MAOB: variants seen among roughly 807,000 people sequenced by gnomAD.
MAOB encodes amine oxidase [flavin-containing] B.
A neutral mutation model predicts 41.9 loss-of-function variants in MAOB; 15 were observed. That is an observed-to-expected ratio of 0.36 (90% CI 0.24 to 0.55). The LOEUF (loss-of-function observed/expected upper bound fraction) is 0.55, where lower values mean the gene tolerates loss of function less well. Among genes scored for constraint, MAOB ranks in the 20% least tolerant of loss-of-function variants. The pLI is 0.86. For synonymous variants in MAOB, 167 were observed against 144.2 expected (o/e 1.16, Z -1.13); for missense variants, 345 against 398.7 (o/e 0.87, Z 1.15).
chrX:43,806,689 G>A (rs777142229), intron 3 of MAOB, among the ~76,000 whole-genome samples: 3 of 111,663 alleles, frequency 2.7e-5, no homozygotes, highest in East Asian at 5.7e-4. Context: ...ACTTTCTGGA[G>A]ATGGAGAATC....
At chrX:43,843,645 G>C (rs1569227864) in intron 2 of MAOB, 25 bp downstream of exon 2, 9 of 1,193,264 alleles carry the variant, frequency 7.5e-6, no homozygotes, top group Non-Finnish European at 1.0e-5. Flanking sequence ...TCCCACATTT[G>C]TCCTCCGGAT....
chrX:43,775,379 C>T (rs934887811), intron 11 of MAOB, 107 bp from the exon 12 acceptor site: 18 of 1,088,425 alleles, frequency 1.7e-5, no homozygotes, highest in Admixed American at 3.8e-5. Context: ...CAATGTATTT[C>T]GGAAATAGAG....
intron 12 of MAOB, among the ~76,000 whole-genome samples, chrX:43,772,846 A>T (rs751419119): frequency 9.0e-6 from 1 of 110,650 alleles, no homozygotes; most frequent in African/African-American, 3.3e-5. Context: ...ACCTCTCCCC[A>T]CCACACTTGC....
At chrX:43,768,762 T>G (rs1450671040) in intron 13 of MAOB, 46 bp from the exon 14 acceptor site, 2 of 1,040,023 alleles carry the variant, frequency 1.9e-6, no homozygotes, top group East Asian at 6.1e-5. Context: ...TGACACCATC[T>G]TTCTTCTAAT....
At chrX:43,827,938 G>GCA (rs2034969580) in intron 3 of MAOB, among the ~76,000 whole-genome samples, 1 of 112,005 alleles carries the variant, frequency 8.9e-6, no homozygotes, top group Non-Finnish European at 1.9e-5. Context: ...ACATAGACAA[G>GCA]ATGTCAACAG....
chrX:43,796,490 C>T (rs751964868), intron 6 of MAOB, among the ~76,000 whole-genome samples: 98 of 111,007 alleles, frequency 8.8e-4, no homozygotes, highest in Non-Finnish European at 1.6e-3. Flanking sequence ...ACACAGTTGA[C>T]CTGGCTGCCT....
chrX:43,847,061 T>C (rs12008119), intron 1 of MAOB, among the ~76,000 whole-genome samples: 3,824 of 112,426 alleles, frequency 0.034, 145 homozygotes, highest in South Asian at 0.17. Context: ...ATGAAAATAC[T>C]GGCCAGGCAC....
chrX:43,862,236 A>G (rs1192613673), intron 1 of MAOB, among the ~76,000 whole-genome samples: 1 of 111,248 alleles, frequency 9.0e-6, no homozygotes, highest in Non-Finnish European at 1.9e-5. Context: ...GTCCCTCTGG[A>G]TTTGTGTTTG....
At chrX:43,808,699 GACACAC>G (rs147523888) in intron 3 of MAOB, among the ~76,000 whole-genome samples, 14 of 87,630 alleles carry the variant, frequency 1.6e-4, no homozygotes, top group African/African-American at 4.0e-4. Flanking sequence ...TCTACACATA[GACACAC>G]ACACACACAC....
At chrX:43,848,553 G>A (rs2035227810) in intron 1 of MAOB, among the ~76,000 whole-genome samples, 1 of 109,542 alleles carries the variant, frequency 9.1e-6, no homozygotes, top group African/African-American at 3.3e-5. Flanking sequence ...GTTTGTTTTA[G>A]TTTTGTTTTG....
chrX:43,781,448 C>T lies in MAOB; in HGVS notation c.1025G>A (p.Gly342Glu). 1 of 1,152,356 alleles carries T rather than the reference C, an allele frequency of 8.7e-7. No individual in the cohort carries two copies. Among genetic ancestry groups the T allele is most frequent in the Non-Finnish European group, 1.2e-6 (1 of 855,087 alleles). The allele number at this position is 1,152,356 out of a possible 1,213,427, so 95.0% of individuals were successfully genotyped here. A position where few individuals can be genotyped will look rare whatever the true frequency, so the allele number is the denominator to read the frequency against. Residue 342 changes from glycine (G) to glutamate (E), a missense_variant and splice_region_variant, in exon 9 of 15, where the codon GGA becomes GAA. Coordinates refer to ENST00000378069, the MANE Select transcript of MAOB (RefSeq NM_000898.5). ...CCACAACACCATAATTGTGCCTTAC[C>T]CCATTATGGCAGCATAGTTGCCTTC... ...KPEGNYAAIM[G>E]FILAHKARKL... is the part of the protein sequence containing the mutation.
chrX:43,861,496 G>A (rs923248608), intron 1 of MAOB, among the ~76,000 whole-genome samples: 4 of 111,872 alleles, frequency 3.6e-5, no homozygotes, highest in African/African-American at 1.3e-4. Context: ...CAGTGCAGAA[G>A]GGTAGTTTTC....
chrX:43,857,106 TATATATATATAGAGAGAG>T (rs1361680526), intron 1 of MAOB, among the ~76,000 whole-genome samples: 21 of 24,442 alleles, frequency 8.6e-4, no homozygotes, highest in Non-Finnish European at 1.1e-3. Context: ...TATATATATA[TATATATATATAGAGAGAG>T]AGAGAGAGAG....
chrX:43,813,463 A>G (rs1165434241), intron 3 of MAOB, among the ~76,000 whole-genome samples: 4 of 112,466 alleles, frequency 3.6e-5, no homozygotes, highest in African/African-American at 6.5e-5. Context: ...GTGACATACA[A>G]TAAATTGCAC....
At chrX:43,803,484 T>A (rs748537148) in intron 3 of MAOB, 80 bp from the exon 4 acceptor site, 1 of 1,104,236 alleles carries the variant, frequency 9.1e-7, no homozygotes, top group African/African-American at 1.9e-5. Context: ...GGTAAATGTC[T>A]GCAAGCAAAA....
chrX:43,841,764 A>G (rs772274431), intron 2 of MAOB, among the ~76,000 whole-genome samples: 46 of 112,162 alleles, frequency 4.1e-4, no homozygotes, highest in African/African-American at 1.5e-3. Context: ...ACACATTTAC[A>G]ATCAATTGAG....
chrX:43,841,184 A>T (rs1241583708), intron 2 of MAOB, among the ~76,000 whole-genome samples: 1 of 111,841 alleles, frequency 8.9e-6, no homozygotes, highest in Non-Finnish European at 1.9e-5. Context: ...TATATCTATT[A>T]TTCAGATCTT....
chrX:43,787,029 A>T (rs2034408871), intron 8 of MAOB, among the ~76,000 whole-genome samples: 1 of 109,999 alleles, frequency 9.1e-6, no homozygotes, highest in Non-Finnish European at 1.9e-5. Flanking sequence ...CCAAACACTT[A>T]AAGAAGTTCT....
chrX:43,794,832 C>G (rs187405058), intron 7 of MAOB, among the ~76,000 whole-genome samples: 158 of 109,527 alleles, frequency 1.4e-3, no homozygotes, highest in African/African-American at 4.5e-3. Flanking sequence ...CCTCTTCCCA[C>G]TTGTTTAAGT....
Sources: gnomAD v4.1 joint callset for allele counts (sites outside exome capture counted in the v4.1 genomes callset) on GRCh38, gnomAD v4.1.1 for gene constraint, MANE v1.5 for transcripts, NCBI Gene and HGNC (gene_info 2026-07-23, HGNC 2026-07-21) for gene names.